Variants in GPC5 observed in about 807,000 individuals in gnomAD.
The protein encoded by GPC5 is glypican-5.
In GPC5, 47 loss-of-function variants were observed where a neutral mutation model predicts 53.9. That is an observed-to-expected ratio of 0.87 (90% CI 0.69 to 1.11). The LOEUF (loss-of-function observed/expected upper bound fraction) is 1.11. Among genes scored for constraint, GPC5 ranks in the 50% most tolerant of loss-of-function variants. The pLI is 0.00. For missense variants in GPC5, 748 were observed against 713.1 expected, an observed-to-expected ratio of 1.05 and a Z score of -0.56; for synonymous variants, 286 against 263.3, an observed-to-expected ratio of 1.09 and a Z score of -0.84.
At chr13:92,406,245 G>A (rs1256740795) in intron 7 of GPC5, among the ~76,000 whole-genome samples, 2 of 152,020 alleles carry the variant, frequency 1.3e-5, no homozygotes, top group Non-Finnish European at 2.9e-5. Flanking sequence ...TATAATCAAG[G>A]CAATCACCAG....
At chr13:92,586,143 A>T (rs1000808165) in intron 7 of GPC5, among the ~76,000 whole-genome samples, 3 of 152,192 alleles carry the variant, frequency 2.0e-5, no homozygotes, top group Non-Finnish European at 4.4e-5. Context: ...GTCTGCTTTC[A>T]ATATGAGAAG....
At chr13:91,531,314 A>G (rs2138664663) in intron 2 of GPC5, among the ~76,000 whole-genome samples, 1 of 152,332 alleles carries the variant, frequency 6.6e-6, no homozygotes, top group East Asian at 1.9e-4. Flanking sequence ...TTAGCTATCC[A>G]AATCATTCTA....
chr13:92,247,571 T>C (rs1276065398), intron 7 of GPC5, among the ~76,000 whole-genome samples: 1 of 152,140 alleles, frequency 6.6e-6, no homozygotes, highest in Non-Finnish European at 1.5e-5. Flanking sequence ...TAATATAGTC[T>C]ATGGAACATA....
chr13:92,786,640 T>G (rs1165671167), intron 7 of GPC5, among the ~76,000 whole-genome samples: 1 of 152,052 alleles, frequency 6.6e-6, no homozygotes, highest in African/African-American at 2.4e-5. Flanking sequence ...AACTTCCCCA[T>G]CAACCCTAAA....
intron 2 of GPC5, among the ~76,000 whole-genome samples, chr13:91,584,673 G>A (rs2032493693): frequency 6.6e-6 from 1 of 151,950 alleles, no homozygotes; most frequent in Non-Finnish European, 1.5e-5. Context: ...CCACCTCCTG[G>A]GTTCAAGTGA....
At chr13:92,067,651 T>C (rs546859488) in intron 6 of GPC5, among the ~76,000 whole-genome samples, 2 of 151,998 alleles carry the variant, frequency 1.3e-5, no homozygotes, top group Non-Finnish European at 2.9e-5. Context: ...AATTACTGTA[T>C]TTATCAAGTT....
rs865818005 is a variant in GPC5, at chr13:92,360,748, G to C, written c.1561+215759G>C. 5.9e-5 allele frequency among the ~76,000 whole-genome samples: 9 copies of C among 151,750 alleles called. No homozygotes were observed. The South Asian group carries it at 6.2e-4, about 10-fold the overall frequency. ...AAAACCCCATAGTCTTAGCCCAAAAGTTACTTCAGCTCATAAACAACTTCA... is the reference window on the plus strand; with the variant it reads ...AAAACCCCATAGTCTTAGCCCAAAACTTACTTCAGCTCATAAACAACTTCA... On this transcript the variant is annotated intron_variant, in intron 7 of 7. Coordinates refer to ENST00000377067, the MANE Select transcript of GPC5 (RefSeq NM_004466.6).
chr13:92,497,898 A>G (rs1594251762), intron 7 of GPC5, among the ~76,000 whole-genome samples: 1 of 151,648 alleles, frequency 6.6e-6, no homozygotes, highest in Non-Finnish European at 1.5e-5. Context: ...CTGCTTGTCT[A>G]TTCTTGGTAT....
chr13:92,274,245 T>G (rs532637040), intron 7 of GPC5, among the ~76,000 whole-genome samples: 1 of 152,286 alleles, frequency 6.6e-6, no homozygotes, highest in South Asian at 2.1e-4. Context: ...CTCTGCTTAA[T>G]TTTTCATCTT....
intron 5 of GPC5, among the ~76,000 whole-genome samples, chr13:91,879,520 G>C (rs928498680): frequency 6.6e-6 from 1 of 152,156 alleles, no homozygotes; most frequent in African/African-American, 2.4e-5. Flanking sequence ...GTGAAAATCT[G>C]TGTTCTGGTT....
chr13:92,051,358 C>T (rs1209644177), intron 6 of GPC5, among the ~76,000 whole-genome samples: 2 of 151,976 alleles, frequency 1.3e-5, no homozygotes, highest in Non-Finnish European at 2.9e-5. Flanking sequence ...CACACCACCA[C>T]GCCCAGCTAA....
In GPC5 at chr13:92,074,952, TTTA is replaced by T. The variant is rs370345696; in HGVS notation, c.1402-69875_1402-69873del. Among the ~76,000 whole-genome samples the T allele has an allele frequency of 3.6e-3, 526 of 147,332 alleles. 8 individuals are homozygous for T. Among genetic ancestry groups the T allele is most frequent in the African/African-American group, 0.014 (500 of 36,816 alleles). On this transcript the variant is annotated intron_variant, in intron 6 of 7. Transcript: ENST00000377067. ...GCATCATATAGGATTAAATTTCCTG[TTTA>T]TTTTTTATTTTTGCTTTGTATTGTA...
intron 7 of GPC5, among the ~76,000 whole-genome samples, chr13:92,860,609 C>T (rs758243566): frequency 2.6e-5 from 4 of 152,022 alleles, no homozygotes; most frequent in Non-Finnish European, 4.4e-5. Flanking sequence ...ATACATGTGG[C>T]TAATGTTAGC....
chr13:91,585,296 C>T (rs1351838189), intron 2 of GPC5, among the ~76,000 whole-genome samples: 2 of 152,050 alleles, frequency 1.3e-5, no homozygotes, highest in Admixed American at 6.6e-5. Flanking sequence ...TGTGTATATA[C>T]CCAAAAGAAA....
intron 1 of GPC5, among the ~76,000 whole-genome samples, chr13:91,440,989 A>T (rs1249541796): frequency 6.6e-6 from 1 of 151,424 alleles, no homozygotes; most frequent in Non-Finnish European, 1.5e-5. Flanking sequence ...CTCTTCCCCA[A>T]CCTCTGTCTT....
intron 2 of GPC5, among the ~76,000 whole-genome samples, chr13:91,484,162 T>G (rs544503637): frequency 6.6e-6 from 1 of 152,230 alleles, no homozygotes; most frequent in Admixed American, 6.5e-5. Context: ...CATTTGCTAC[T>G]TAAGTTAATT....
chr13:92,342,936 C>T (rs1479157296), intron 7 of GPC5, among the ~76,000 whole-genome samples: 2 of 152,106 alleles, frequency 1.3e-5, no homozygotes, highest in African/African-American at 4.8e-5. Context: ...CCATGCACTT[C>T]CCTTTCATAT....
At chr13:91,936,175 A>G (rs936495827) in intron 6 of GPC5, among the ~76,000 whole-genome samples, 5 of 152,022 alleles carry the variant, frequency 3.3e-5, no homozygotes, top group African/African-American at 1.2e-4. Context: ...TTGCCGTGAT[A>G]AGTTTCTGTC....
At chr13:92,456,129 A>C (rs1036339063) in intron 7 of GPC5, among the ~76,000 whole-genome samples, 5 of 152,188 alleles carry the variant, frequency 3.3e-5, no homozygotes, top group Non-Finnish European at 7.3e-5. Flanking sequence ...CCTGACATTA[A>C]AGTGTTGATG....
Sources: allele counts gnomAD v4.1 joint callset (sites outside exome capture counted in the v4.1 genomes callset), GRCh38; gene constraint gnomAD v4.1.1; transcripts MANE v1.5; gene names NCBI Gene and HGNC (gene_info 2026-07-23, HGNC 2026-07-21).